Variants in CTNNA2 observed in about 807,000 individuals in gnomAD.
CTNNA2 encodes the protein catenin alpha-2.
CTNNA2 carries 42 observed loss-of-function variants against 101.0 expected under a neutral mutation model. The observed-to-expected ratio is 0.42, with a 90% CI of 0.32 to 0.54. CTNNA2 has a LOEUF of 0.54. Ranked by LOEUF, CTNNA2 falls within the 20% of genes least tolerant of loss-of-function variation. The probability of loss-of-function intolerance (pLI) is 0.14; values close to 1 mark genes in which losing one functional copy is unlikely to be tolerated. For missense variants in CTNNA2, 871 were observed against 1,223.1 expected, an observed-to-expected ratio of 0.71 and a Z score of 4.29; for synonymous variants, 450 against 456.4, an observed-to-expected ratio of 0.99 and a Z score of 0.18.
chr2:80,042,908 C>A (rs954898032), intron 7 of CTNNA2, among the ~76,000 whole-genome samples: 1 of 152,114 alleles, frequency 6.6e-6, no homozygotes, highest in Non-Finnish European at 1.5e-5. Flanking sequence ...GGGGTTGAGA[C>A]TTTGGAGCCT....
intron 7 of CTNNA2, among the ~76,000 whole-genome samples, chr2:80,141,926 T>C (rs1257895569): frequency 6.6e-6 from 1 of 151,876 alleles, no homozygotes; most frequent in Non-Finnish European, 1.5e-5. Flanking sequence ...TGAGTTGTTT[T>C]TCAGAAATCC....
chr2:79,554,461 C>T (rs17017249), intron 1 of CTNNA2, among the ~76,000 whole-genome samples: 32,899 of 151,992 alleles, frequency 0.22, 4,246 homozygotes, highest in South Asian at 0.29. Context: ...ATACACTGTA[C>T]TATAGAGAGC....
chr2:79,899,366 T>A (rs1359819938), intron 6 of CTNNA2, among the ~76,000 whole-genome samples: 1 of 152,160 alleles, frequency 6.6e-6, no homozygotes, highest in Non-Finnish European at 1.5e-5. Flanking sequence ...AATGTGCTCC[T>A]GAAATGCCAT....
At chr2:79,246,604 G>T (rs1674703395) in intron 2 of CTNNA2, among the ~76,000 whole-genome samples, 2 of 152,166 alleles carry the variant, frequency 1.3e-5, no homozygotes, top group African/African-American at 2.4e-5. Context: ...ATGAGACATA[G>T]GGAAGACCCA....
intron 2 of CTNNA2, among the ~76,000 whole-genome samples, chr2:79,255,248 A>G (rs2104278173): frequency 6.6e-6 from 1 of 152,318 alleles, no homozygotes; most frequent in Non-Finnish European, 1.5e-5. Context: ...GATTCAGCTA[A>G]GCATCATCAT....
At chr2:80,130,752 C>T (rs1702368534) in intron 7 of CTNNA2, among the ~76,000 whole-genome samples, 1 of 146,092 alleles carries the variant, frequency 6.8e-6, no homozygotes, top group Non-Finnish European at 1.5e-5. Context: ...TTCTTGTACT[C>T]TTTTTTTTTT....
At chr2:80,633,938 GTTTACT>G (rs1311012255) in intron 18 of CTNNA2, among the ~76,000 whole-genome samples, 1 of 152,110 alleles carries the variant, frequency 6.6e-6, no homozygotes, top group Non-Finnish European at 1.5e-5. Flanking sequence ...TTTGGCTGAA[GTTTACT>G]TTCTCTTTTA....
chr2:79,281,974 T>C (rs1204661320), intron 2 of CTNNA2, among the ~76,000 whole-genome samples: 1 of 152,158 alleles, frequency 6.6e-6, no homozygotes, highest in Non-Finnish European at 1.5e-5. Flanking sequence ...CTTTACAAAT[T>C]ATAATTTATA....
chr2:79,521,634 T>G (rs1217834290), intron 1 of CTNNA2, among the ~76,000 whole-genome samples: 1 of 152,152 alleles, frequency 6.6e-6, no homozygotes, highest in Non-Finnish European at 1.5e-5. Flanking sequence ...GTAGCAATTC[T>G]TTTAATGAGG....
At chr2:79,700,367 A>G (rs1360783400) in intron 2 of CTNNA2, among the ~76,000 whole-genome samples, 1 of 152,112 alleles carries the variant, frequency 6.6e-6, no homozygotes, top group African/African-American at 2.4e-5. Context: ...TTTAGCCATA[A>G]CTACAGCTCA....
At chr2:80,222,109 G>T (rs573787049) in intron 7 of CTNNA2, among the ~76,000 whole-genome samples, 2 of 152,194 alleles carry the variant, frequency 1.3e-5, no homozygotes, top group African/African-American at 4.8e-5. Context: ...AAACACAAGG[G>T]CATTTGTCAA....
rs200888828 is a variant in CTNNA2, at chr2:79,744,563, A to G, written c.279A>G (p.Val93=). 1.2e-6 allele frequency: 2 copies of G among 1,613,904 alleles called. No individual in the cohort carries two copies. The highest frequency in any genetic ancestry group is 1.3e-5 in the African/African-American group (1 of 75,032). ...QDLKEELVAA[V]EDVRKQGETM... ...TCAAAGAAGAGTTGGTGGCTGCTGT[A>G]GAGGATGTGCGCAAACAAGGTAGGC... Residue 93 remains valine, a synonymous_variant, in exon 3 of 19, where the codon GTA becomes GTG. Coordinates refer to ENST00000402739, the MANE Select transcript of CTNNA2 (RefSeq NM_001282597.3).
intron 4 of CTNNA2, among the ~76,000 whole-genome samples, chr2:79,467,155 G>T (rs929832189): frequency 6.6e-6 from 1 of 152,154 alleles, no homozygotes; most frequent in Admixed American, 6.5e-5. Context: ...TGGCTAACTA[G>T]AATAACCAAT....
chr2:79,277,800 G>A (rs1016490725), intron 2 of CTNNA2, among the ~76,000 whole-genome samples: 2 of 152,036 alleles, frequency 1.3e-5, no homozygotes, highest in African/African-American at 4.8e-5. Context: ...TTAAGCTACA[G>A]ACATTTAGTT....
chr2:79,922,328 T>C (rs1686719218), intron 7 of CTNNA2, among the ~76,000 whole-genome samples: 1 of 152,166 alleles, frequency 6.6e-6, no homozygotes, highest in Admixed American at 6.5e-5. Flanking sequence ...ATTGGCCTTT[T>C]TTATTATTTT....
At chr2:79,349,351 A>T (rs539379537) in intron 3 of CTNNA2, among the ~76,000 whole-genome samples, 1 of 152,328 alleles carries the variant, frequency 6.6e-6, no homozygotes, top group East Asian at 1.9e-4. Flanking sequence ...TGGGTTTCAG[A>T]CATCTGTGTT....
chr2:79,854,730 G>A (rs2974154), intron 3 of CTNNA2, among the ~76,000 whole-genome samples: 129,063 of 152,180 alleles, frequency 0.85, 54,800 homozygotes, highest in African/African-American at 0.89. Flanking sequence ...GCTTTACCGT[G>A]GAAATGTTGC....
intron 18 of CTNNA2, among the ~76,000 whole-genome samples, chr2:80,638,062 A>T (rs1573535850): frequency 6.6e-6 from 1 of 152,128 alleles, no homozygotes; most frequent in South Asian, 2.1e-4. Context: ...TTCCTCTTAC[A>T]TTTGTCTTCT....
intron 3 of CTNNA2, among the ~76,000 whole-genome samples, chr2:79,365,103 C>T (rs1213461737): frequency 1.3e-5 from 2 of 151,814 alleles, no homozygotes; most frequent in Non-Finnish European, 2.9e-5. Context: ...GCTGAAACCC[C>T]GCCTCTACTA....
Sources: gnomAD v4.1 joint callset for allele counts (sites outside exome capture counted in the v4.1 genomes callset) on GRCh38, gnomAD v4.1.1 for gene constraint, MANE v1.5 for transcripts, NCBI Gene and HGNC (gene_info 2026-07-23, HGNC 2026-07-21) for gene names.